SMAD6: variants seen among roughly 807,000 people sequenced by gnomAD.
The protein encoded by SMAD6 is SMAD family member 6, also known as MAD homolog 6.
In SMAD6, 103 loss-of-function variants were observed where a neutral mutation model predicts 39.4. The ratio of observed to expected loss-of-function variants is 2.62; its 90% CI spans 2.23 to 3.08. The LOEUF is 3.08. Among genes scored for constraint, SMAD6 ranks in the 30% most tolerant of loss-of-function variants. The pLI, the probability that SMAD6 is intolerant of heterozygous loss-of-function variation, is 0.00. For synonymous variants in SMAD6, 445 were observed against 353.3 expected (o/e 1.26, Z -2.91); for missense variants, 1,104 against 742.9 (o/e 1.49, Z -5.65).
intron 3 of SMAD6, among the ~76,000 whole-genome samples, chr15:66,730,115 G>A (rs958575316): frequency 5.3e-5 from 8 of 152,182 alleles, no homozygotes; most frequent in African/African-American, 1.4e-4. Context: ...CATGGTGTGC[G>A]GATTCTCTGT....
chr15:66,772,292 T>C (rs1003855227), intron 3 of SMAD6, among the ~76,000 whole-genome samples: 1 of 152,234 alleles, frequency 6.6e-6, no homozygotes, highest in Non-Finnish European at 1.5e-5. Flanking sequence ...CTTTCAGGCC[T>C]CAGCTCCCTC....
Position 66,704,067 on chromosome 15 carries a change from G to A in SMAD6, c.809G>A (p.Cys270Tyr). Reference protein sequence around the residue: ...CCNPYHFSRLCGPESPPPPYS... With the variant: ...CCNPYHFSRLYGPESPPPPYS... ...AACCCCTACCACTTCAGCCGGCTCT[G>A]CGGGCCCGGTGAGCGCGCTGCGCCG... The change falls in exon 1 of 4, where the codon TGC becomes TAC. Residue 270 changes from cysteine (C) to tyrosine (Y), a missense_variant. Physicochemically the swap from Cys to Tyr is radical, Grantham distance 194 (BLOSUM62 -2). Coordinates refer to ENST00000288840, the MANE Select transcript of SMAD6 (RefSeq NM_005585.5). 1 of 1,492,826 alleles carries A rather than the reference G, an allele frequency of 6.7e-7. No individual in the cohort carries two copies. Among genetic ancestry groups the A allele is most frequent in the Non-Finnish European group, 8.9e-7 (1 of 1,129,306 alleles). The allele number at this position is 1,492,826 out of a possible 1,614,324, so 92.5% of individuals were successfully genotyped here.
Position 66,711,683 on chromosome 15 carries a change from C to T in SMAD6, c.833C>T (p.Pro278Leu), listed in dbSNP as rs372082813. The change falls in exon 2 of 4, where the codon CCC (proline) becomes CTC (leucine). Residue 278 changes from proline (P) to leucine (L), a missense_variant. Coordinates refer to ENST00000288840, the MANE Select transcript of SMAD6 (RefSeq NM_005585.5). ...TGTCTTCCAGAATCTCCGCCACCTCCCTACTCTCGGCTGTCTCCTCGCGAC... is the reference window on the plus strand; with the variant it reads ...TGTCTTCCAGAATCTCCGCCACCTCTCTACTCTCGGCTGTCTCCTCGCGAC... The part of the protein sequence containing the change: ...RLCGPESPPP[P>L]YSRLSPRDEY... The T allele has an allele frequency of 5.6e-6, 9 of 1,614,024 alleles. No homozygotes were observed. The highest frequency in any genetic ancestry group is 1.7e-5 in the Admixed American group (1 of 60,028).
chr15:66,776,414 A>G (rs77933091), intron 3 of SMAD6, among the ~76,000 whole-genome samples: 258 of 152,304 alleles, frequency 1.7e-3, no homozygotes, highest in Non-Finnish European at 3.0e-3. Context: ...GTACTTAATT[A>G]TTGAATCAGT....
chr15:66,733,129 T>G (rs1235925737), intron 3 of SMAD6, among the ~76,000 whole-genome samples: 1 of 152,198 alleles, frequency 6.6e-6, no homozygotes, highest in Admixed American at 6.5e-5. Context: ...GTGGTTCTCT[T>G]TCTGGATTCT....
At chr15:66,736,015 C>G (rs1285358999) in intron 3 of SMAD6, among the ~76,000 whole-genome samples, 1 of 152,026 alleles carries the variant, frequency 6.6e-6, no homozygotes, top group Non-Finnish European at 1.5e-5. Context: ...TGAAATTTTT[C>G]CTAAAAAATA....
At chr15:66,706,742 T>A (rs1432177945) in intron 1 of SMAD6, 1 of 152,610 alleles carries the variant, frequency 6.6e-6, no homozygotes, top group African/African-American at 2.4e-5. Flanking sequence ...CTGGCAGCAG[T>A]CACCTCCGCA....
At chr15:66,732,998 A>G (rs1175437019) in intron 3 of SMAD6, among the ~76,000 whole-genome samples, 15 of 152,072 alleles carry the variant, frequency 9.9e-5, no homozygotes, top group East Asian at 1.9e-4. Flanking sequence ...TTTATAAGGT[A>G]TAAATATGAG....
chr15:66,743,073 C>T (rs1893844297), intron 3 of SMAD6, among the ~76,000 whole-genome samples: 1 of 152,100 alleles, frequency 6.6e-6, no homozygotes, highest in South Asian at 2.1e-4. Context: ...CCCGCCCTGC[C>T]ATGTGTCACC....
chr15:66,765,360 A>C (rs1041395554), intron 3 of SMAD6, among the ~76,000 whole-genome samples: 4 of 152,068 alleles, frequency 2.6e-5, no homozygotes, highest in African/African-American at 9.7e-5. Flanking sequence ...AGCAGCTGGG[A>C]CTACAGGTGC....
At chr15:66,751,348 C>T (rs541395256) in intron 3 of SMAD6, among the ~76,000 whole-genome samples, 4 of 152,308 alleles carry the variant, frequency 2.6e-5, no homozygotes, top group African/African-American at 9.6e-5. Context: ...AATTGTGAGC[C>T]TTGAATGGTA....
intron 3 of SMAD6, chr15:66,717,239 GGGAC>G: frequency 7.7e-6 from 6 of 780,806 alleles, no homozygotes; most frequent in South Asian, 1.4e-5. Flanking sequence ...CATGCTGGCT[GGGAC>G]TGACAGCCCC....
At chr15:66,777,470 G>C (rs1047012547) in intron 3 of SMAD6, among the ~76,000 whole-genome samples, 1 of 152,200 alleles carries the variant, frequency 6.6e-6, no homozygotes, top group African/African-American at 2.4e-5. Flanking sequence ...AACAAAGCAA[G>C]ACCTCATCTC....
Position 66,703,616 on chromosome 15 carries a change from G to T in SMAD6, c.358G>T (p.Asp120Tyr). The T allele has an allele frequency of 8.1e-7, 1 of 1,230,162 alleles. No homozygotes were observed. The highest frequency in any genetic ancestry group is 4.1e-5 in the South Asian group (1 of 24,606). The allele number at this position is 1,230,162 out of a possible 1,614,324, so 76.2% of individuals were successfully genotyped here. Reference protein sequence around the residue: ...PGGPGWLPESDCETVTCCLFS... With the variant: ...PGGPGWLPESYCETVTCCLFS... ...AGGCCCGGGCTGGCTGCCCGAGAGT[G>T]ACTGCGAGACGGTGACCTGCTGTCT... The change falls in exon 1 of 4, where the codon GAC becomes TAC. Residue 120 changes from aspartate to tyrosine, a missense_variant. Asp to Tyr is a radical substitution (Grantham distance 160). Transcript: ENST00000288840.
intron 3 of SMAD6, among the ~76,000 whole-genome samples, chr15:66,725,670 T>A (rs1337509180): frequency 6.6e-6 from 1 of 152,052 alleles, no homozygotes; most frequent in Non-Finnish European, 1.5e-5. Flanking sequence ...CTCTGTCACA[T>A]GGGCTGAAAT....
At position 66,747,250 on chromosome 15, in the gene SMAD6, C is replaced by T. The variant is rs990521816; in HGVS notation, c.952+30752C>T. On this transcript the variant is annotated intron_variant, in intron 3 of 3. Transcript: ENST00000288840. The surrounding 1 kb of genome is among the most constrained non-coding windows in gnomAD (Gnocchi z 4.5). ...TGCTGTGTTTGCATGGCCAGGCCAG[C>T]GGGATATGGATGGGCCATGGGCCTC... 5.3e-5 allele frequency among the ~76,000 whole-genome samples: 8 copies of T among 152,244 alleles called. No homozygotes were observed. The highest frequency in any genetic ancestry group is 3.9e-4 in the East Asian group (2 of 5,190).
At chr15:66,739,886 C>T (rs1310581901) in intron 3 of SMAD6, among the ~76,000 whole-genome samples, 1 of 152,208 alleles carries the variant, frequency 6.6e-6, no homozygotes, top group Non-Finnish European at 1.5e-5. Context: ...GCGCTCCTCC[C>T]ACCTCAGCCT....
In SMAD6 at chr15:66,781,313, CG is replaced by C; in HGVS notation, c.1270del (p.Ala424ProfsTer115). 6.2e-7 allele frequency: 1 copy of C among 1,600,478 alleles called. No homozygotes were observed. The highest frequency in any genetic ancestry group is 8.5e-7 in the Non-Finnish European group (1 of 1,174,892). On this transcript the variant is annotated frameshift_variant, in exon 4 of 4. Coordinates refer to ENST00000288840, the MANE Select transcript of SMAD6 (RefSeq NM_005585.5). LOFTEE classifies it high-confidence loss of function. ...CGACGCTGGACGCGCCCGGCGGCCGCGCCCTGGTCGTGCGCAAGGTGCCCCC... is the reference window on the plus strand; with the variant it reads ...CGACGCTGGACGCGCCCGGCGGCCGCCCCTGGTCGTGCGCAAGGTGCCCCC... Reference protein sequence around the residue: ...SPTLDAPGGRALVVRKVPPGY... With the variant: ...SPTLDAPGGRXLVVRKVPPGY...
At chr15:66,760,501 G>A (rs934363355) in intron 3 of SMAD6, among the ~76,000 whole-genome samples, 1 of 152,200 alleles carries the variant, frequency 6.6e-6, no homozygotes, top group Non-Finnish European at 1.5e-5. Context: ...CGAAGGACTC[G>A]TCAGTGATTA....
Sources: allele counts gnomAD v4.1 joint callset (sites outside exome capture counted in the v4.1 genomes callset), GRCh38; gene constraint gnomAD v4.1.1; non-coding constraint Gnocchi (gnomAD v3.1); transcripts MANE v1.5; gene names NCBI Gene and HGNC (gene_info 2026-07-23, HGNC 2026-07-21).